NR2E1: variants seen among roughly 807,000 people sequenced by gnomAD.
NR2E1 encodes nuclear receptor TLX.
NR2E1 carries 5 observed loss-of-function variants against 43.6 expected under a neutral mutation model. The ratio of observed to expected loss-of-function variants is 0.11; its 90% CI spans 0.06 to 0.24. NR2E1 has a LOEUF of 0.24. Among genes scored for constraint, NR2E1 ranks in the 10% least tolerant of loss-of-function variants. The probability of loss-of-function intolerance (pLI) is 1.00; values close to 1 mark genes in which losing one functional copy is unlikely to be tolerated. For synonymous variants in NR2E1, 191 were observed against 195.5 expected, an observed-to-expected ratio of 0.98 and a Z score of 0.19; for missense variants, 287 against 496.7, an observed-to-expected ratio of 0.58 and a Z score of 4.01.
intron 5 of NR2E1, among the ~76,000 whole-genome samples, chr6:108,178,504 C>T (rs1316667814): frequency 6.6e-6 from 1 of 152,176 alleles, no homozygotes; most frequent in Non-Finnish European, 1.5e-5. Flanking sequence ...AGAACATTAC[C>T]TCTTTTTGTT....
chr6:108,176,430 G>C, intron 3 of NR2E1, 73 bp from the exon 4 acceptor site: 1 of 1,466,292 alleles, frequency 6.8e-7, no homozygotes, highest in Admixed American at 1.8e-5. Context: ...GGGCGGGGCT[G>C]GGGGGAGAGC....
rs1773762285 is a variant in NR2E1 at position 108,169,106 on chromosome 6, C to A, written c.25+2316C>A. Among the ~76,000 whole-genome samples the A allele has an allele frequency of 6.6e-6, 1 of 152,214 alleles. No homozygotes were observed. Among genetic ancestry groups the A allele is most frequent in the African/African-American group, 2.4e-5 (1 of 41,462 alleles). On this transcript the variant is annotated intron_variant, in intron 1 of 8. Transcript: ENST00000368986. This position sits in a 1 kb window ranked among gnomAD's most constrained non-coding sequence, Gnocchi z 6.1. ...GGAGCTTTGCAACGGGGTCAACCAG[C>A]TTGTCTCGTGACCCCAAGTCACCTT...
At chr6:108,171,377 C>T in intron 1 of NR2E1, 81 bp from the exon 2 acceptor site, 3 of 1,439,644 alleles carry the variant, frequency 2.1e-6, no homozygotes, top group Admixed American at 3.4e-5. Flanking sequence ...TCTCTCTCTC[C>T]CTCTCCCCTT....
At chr6:108,167,058 G>A (rs1773721695) in intron 1 of NR2E1, among the ~76,000 whole-genome samples, 2 of 152,212 alleles carry the variant, frequency 1.3e-5, no homozygotes, top group South Asian at 4.2e-4. Context: ...CCAGTCGGAT[G>A]AGTTGTCTCC....
intron 4 of NR2E1, 55 bp downstream of exon 4, chr6:108,176,793 C>T: frequency 6.8e-7 from 1 of 1,472,478 alleles, no homozygotes; most frequent in Non-Finnish European, 9.1e-7. Context: ...GAGAGGGACG[C>T]ACCCAGTTCT....
Position 108,181,670 on chromosome 6 carries a change from GA to G in NR2E1, c.995+21del, listed in dbSNP as rs1181955189. On this transcript the variant is annotated intron_variant, in intron 8 of 8. Coordinates refer to ENST00000368986, the MANE Select transcript of NR2E1 (RefSeq NM_003269.5). ...ATACCAGGTGACCCTTGTTTGCCTTGAACATGTACTTAAGAAAATTGCCTCC... is the reference window on the plus strand; with the variant it reads ...ATACCAGGTGACCCTTGTTTGCCTTGACATGTACTTAAGAAAATTGCCTCC... The G allele has an allele frequency of 6.3e-7, 1 of 1,599,164 alleles. No individual in the cohort carries two copies. The highest frequency in any genetic ancestry group is 1.7e-5 in the Admixed American group (1 of 59,996).
chr6:108,174,742 T>C (rs1314613249), intron 2 of NR2E1, 94 bp from the exon 3 acceptor site: 2 of 1,032,494 alleles, frequency 1.9e-6, no homozygotes, highest in Non-Finnish European at 3.0e-6. Context: ...CCGGGCAAGG[T>C]CGCGCCTCCA....
intron 2 of NR2E1, 136 bp downstream of exon 2, chr6:108,171,739 T>G: frequency 8.7e-7 from 1 of 1,148,356 alleles, no homozygotes; most frequent in Admixed American, 1.7e-5. Context: ...TCTCCCCTCC[T>G]TCTTGCCTCA....
chr6:108,167,176 G>A (rs1348461603), intron 1 of NR2E1, among the ~76,000 whole-genome samples: 1 of 152,132 alleles, frequency 6.6e-6, no homozygotes, highest in Non-Finnish European at 1.5e-5. Context: ...GCTCCAGCGC[G>A]CAAAAGCAAC....
chr6:108,167,955 T>C (rs904840297), intron 1 of NR2E1: 2 of 1,497,108 alleles, frequency 1.3e-6, no homozygotes, highest in African/African-American at 2.8e-5. Context: ...TGTGTTTTCA[T>C]TTTGTTTTGC....
chr6:108,168,201 C>A, intron 1 of NR2E1: 3 of 1,549,694 alleles, frequency 1.9e-6, no homozygotes, highest in Admixed American at 2.0e-5. Context: ...CATTCCCGGG[C>A]GTGAGTGTCC....
intron 1 of NR2E1, among the ~76,000 whole-genome samples, chr6:108,171,218 A>G (rs1773806102): frequency 6.6e-6 from 1 of 152,212 alleles, no homozygotes; most frequent in Non-Finnish European, 1.5e-5. Context: ...TTAGAAGAGA[A>G]CCAAATACAT....
chr6:108,182,283 T>TGGTA (rs1774004963), intron 8 of NR2E1, among the ~76,000 whole-genome samples: 2 of 150,096 alleles, frequency 1.3e-5, no homozygotes, highest in South Asian at 4.2e-4. Flanking sequence ...GTGTAATGGT[T>TGGTA]GGTATGTGAG....
chr6:108,166,822 G>A lies in NR2E1; in HGVS notation c.25+32G>A. ...ACCTCTCGGGCCGCCGTGGGGCCTA[G>A]GCGCGCAGCCTGGGGCGAGCGAGCG... On this transcript the variant is annotated intron_variant, in intron 1 of 8. Coordinates refer to ENST00000368986, the MANE Select transcript of NR2E1 (RefSeq NM_003269.5). This position sits in a 1 kb window ranked among gnomAD's most constrained non-coding sequence, Gnocchi z 7.2. 3 of 1,584,642 alleles carry A rather than the reference G, an allele frequency of 1.9e-6. No homozygotes were observed. The highest frequency in any genetic ancestry group is 2.3e-5 in the East Asian group (1 of 43,942).
At position 108,173,174 on chromosome 6, in the gene NR2E1, C is replaced by T. The variant is rs1314082560; in HGVS notation, c.171+1571C>T. ...GGAGAGTAAATGATCAGAGCTGAGG[C>T]GTTTATCCTTCTCTCTGGCGCTAGA... is the stretch of plus-strand genomic sequence containing the variant. On this transcript the variant is annotated intron_variant, in intron 2 of 8. Coordinates refer to ENST00000368986, the MANE Select transcript of NR2E1 (RefSeq NM_003269.5). Among the ~76,000 whole-genome samples, 10 of 152,118 alleles carry T rather than the reference C, an allele frequency of 6.6e-5. No individual in the cohort carries two copies. In the South Asian group the frequency reaches 1.2e-3, roughly 19 times the overall value.
At chr6:108,167,569 G>T (rs1048528074) in intron 1 of NR2E1, among the ~76,000 whole-genome samples, 1 of 152,086 alleles carries the variant, frequency 6.6e-6, no homozygotes, top group Admixed American at 6.5e-5. Flanking sequence ...CTTGCACCCT[G>T]CCTGCGGAAC....
rs1773771926 is a variant in NR2E1 at position 108,169,652 on chromosome 6, C to T, written c.26-1806C>T. ...TGCAGCGGAGCTCCAGACCCGGTTC[C>T]TGAGCGACCAGGAACTCCCTTGGGC... is the stretch of plus-strand genomic sequence containing the variant. On this transcript the variant is annotated intron_variant, in intron 1 of 8. Transcript: ENST00000368986. This position sits in a 1 kb window ranked among gnomAD's most constrained non-coding sequence, Gnocchi z 6.1. Among the ~76,000 whole-genome samples the T allele has an allele frequency of 6.6e-6, 1 of 152,122 alleles. No homozygotes were observed. Among genetic ancestry groups the T allele is most frequent in the African/African-American group, 2.4e-5 (1 of 41,420 alleles).
At chr6:108,184,060 C>T (rs545132734) in intron 8 of NR2E1, among the ~76,000 whole-genome samples, 4 of 152,168 alleles carry the variant, frequency 2.6e-5, no homozygotes, top group South Asian at 2.1e-4. Flanking sequence ...GGCGTCATGA[C>T]GTGCACCTGT....
rs562555980 is a variant in NR2E1 at position 108,171,385 on chromosome 6, C to T, written c.26-73C>T. On this transcript the variant is annotated intron_variant, in intron 1 of 8. Transcript: ENST00000368986. ...CTTAGCATCTCTCTCTCCCTCTCCC[C>T]TTTTCTCCCTCTTCTCCGCCCTCCT... is the stretch of plus-strand genomic sequence containing the variant. 6 of 1,527,560 alleles carry T rather than the reference C, an allele frequency of 3.9e-6. No individual in the cohort carries two copies. In the African/African-American group the frequency reaches 4.1e-5, roughly 10 times the overall value. 94.6% of individuals were successfully genotyped at this position (1,527,560 alleles called of 1,614,324 possible).
Sources: gnomAD v4.1 joint callset for allele counts (sites outside exome capture counted in the v4.1 genomes callset) on GRCh38, gnomAD v4.1.1 for gene constraint, Gnocchi (gnomAD v3.1) non-coding constraint, MANE v1.5 for transcripts, NCBI Gene and HGNC (gene_info 2026-07-23, HGNC 2026-07-21) for gene names.